TMEM202: variants seen among roughly 807,000 people sequenced by gnomAD.
TMEM202 encodes the protein transmembrane protein 202.
In TMEM202, 25 loss-of-function variants were observed where a neutral mutation model predicts 26.1. The ratio of observed to expected loss-of-function variants is 0.96; its 90% confidence interval spans 0.70 to 1.34. The LOEUF is 1.34. TMEM202 is among the 40% of genes most tolerant of loss of function. TMEM202 has a pLI of 0.00. For missense variants in TMEM202, 301 were observed against 327.7 expected, an observed-to-expected ratio of 0.92 and a Z score of 0.63; for synonymous variants, 122 against 119.0, an observed-to-expected ratio of 1.02 and a Z score of -0.16.
intron 2 of TMEM202, 62 bp from the exon 3 acceptor site, chr15:72,406,540 C>T: frequency 6.9e-7 from 1 of 1,448,404 alleles, no homozygotes; most frequent in Non-Finnish European, 9.5e-7. Context: ...TCTATCTGGC[C>T]TTTTTAAGGG....
At position 72,398,371 on chromosome 15, in the gene TMEM202, G is replaced by A. The variant is rs1386743983; in HGVS notation, c.45G>A (p.Glu15=). Residue 15 remains glutamate, a synonymous_variant, in exon 1 of 5, where the codon GAG becomes GAA. Coordinates refer to ENST00000341689, the MANE Select transcript of TMEM202 (RefSeq NM_001080462.3). The part of the protein sequence containing the change: ...EHLTLTFHSP[E]VPKIKGNRKY... ...TAACCTTGACTTTCCACAGTCCTGA[G>A]GTTCCCAAAATAAAGGGGAACCGGA... 1 of 1,613,310 alleles carries A rather than the reference G, an allele frequency of 6.2e-7. No homozygotes were observed. Among genetic ancestry groups the A allele is most frequent in the Non-Finnish European group, 8.5e-7 (1 of 1,179,804 alleles).
At position 72,407,166 on chromosome 15, in the gene TMEM202, C is replaced by A. The variant is rs754187366; in HGVS notation, c.568C>A (p.Leu190Ile). ...TAGGGATGCCATGGAGTCAGATCTC[C>A]TATGGACCTATTATCTTAACTGGTG... is the stretch of plus-strand genomic sequence containing the variant. ...HTRDAMESDL[L>I]WTYYLNWCSD... is the part of the protein sequence containing the mutation. Residue 190 changes from leucine to isoleucine, a missense_variant, in exon 4 of 5, where the codon CTA becomes ATA. Physicochemically the swap from Leu to Ile is conservative, Grantham distance 5. Transcript: ENST00000341689. 9.3e-6 allele frequency: 15 copies of A among 1,613,516 alleles called. No homozygotes were observed. Among genetic ancestry groups the A allele is most frequent in the Non-Finnish European group, 1.1e-5 (13 of 1,179,816 alleles).
At chr15:72,405,569 A>G (rs980878237) in intron 2 of TMEM202, among the ~76,000 whole-genome samples, 9 of 152,350 alleles carry the variant, frequency 5.9e-5, no homozygotes, top group Admixed American at 3.9e-4. Context: ...GATAAGAGCA[A>G]CTTGAACAAA....
chr15:72,404,376 C>T (rs1182054151), intron 2 of TMEM202, among the ~76,000 whole-genome samples: 1 of 152,034 alleles, frequency 6.6e-6, no homozygotes, highest in Admixed American at 6.6e-5. Flanking sequence ...GATCATGCTA[C>T]TGCACTCCAG....
In TMEM202 at chr15:72,399,025, T is replaced by G. The variant is rs2063535614; in HGVS notation, c.337+117T>G. The G allele has an allele frequency of 3.3e-6, 4 of 1,225,678 alleles. No homozygotes were observed. The Admixed American group carries it at 6.6e-5, about 20-fold the overall frequency. The allele number at this position is 1,225,678 out of a possible 1,614,324, so 75.9% of individuals were successfully genotyped here. On this transcript the variant is annotated intron_variant, in intron 2 of 4. Coordinates refer to ENST00000341689, the MANE Select transcript of TMEM202 (RefSeq NM_001080462.3). ...ATCTTTTGGCCTTCACCTCTCCAAG[T>G]GCAGGATGGATCTTTCTTTGGTATC... is the stretch of plus-strand genomic sequence containing the variant.
chr15:72,406,051 A>G (rs1299902825), intron 2 of TMEM202, among the ~76,000 whole-genome samples: 1 of 152,232 alleles, frequency 6.6e-6, no homozygotes, highest in East Asian at 1.9e-4. Context: ...TAAGTCATTA[A>G]GCAAAGTATA....
Position 72,406,754 on chromosome 15 carries a change from A to G in TMEM202, c.487+3A>G. The G allele has an allele frequency of 6.2e-7, 1 of 1,613,024 alleles. No homozygotes were observed. Among genetic ancestry groups the G allele is most frequent in the Non-Finnish European group, 8.5e-7 (1 of 1,179,712 alleles). On this transcript the variant is annotated splice_donor_region_variant and intron_variant, in intron 3 of 4. Transcript: ENST00000341689. ...ATCCATGCTCAGCTTCATCTCAGGT[A>G]CAGACCTAGACTGGCAGGGTATTTT...
chr15:72,398,394 G>A lies in TMEM202; in HGVS notation c.68G>A (p.Arg23Gln), dbSNP rs142744410. ...GAGGTTCCCAAAATAAAGGGGAACCGGAAATACCAAAGGGTGAGGAGGTAT... is the reference window on the plus strand; with the variant it reads ...GAGGTTCCCAAAATAAAGGGGAACCAGAAATACCAAAGGGTGAGGAGGTAT... ...SPEVPKIKGN[R>Q]KYQRPTVPAK... The change falls in exon 1 of 5, where the codon CGG becomes CAG. Residue 23 changes from arginine (R) to glutamine (Q), a missense_variant. Coordinates refer to ENST00000341689, the MANE Select transcript of TMEM202 (RefSeq NM_001080462.3). The A allele has an allele frequency of 3.5e-4, 572 of 1,611,348 alleles. 1 individual carries two copies. The African/African-American group carries it at 5.9e-3, about 17-fold the overall frequency.
rs1055694535 is a variant in TMEM202 at position 72,407,099 on chromosome 15, C to T, written c.501C>T (p.Leu167=). Residue 167 remains leucine, a synonymous_variant, in exon 4 of 5, where the codon CTC becomes CTT. Transcript: ENST00000341689. ...TTCTGGTCCTAGCTACCTGCTTGCT[C>T]CTCTGCCTCAACCTGTTTGTGGCAC... ...MLSFISATCL[L]LCLNLFVAQV... is the part of the protein sequence containing the mutation. 5 of 1,612,318 alleles carry T rather than the reference C, an allele frequency of 3.1e-6. No homozygotes were observed. In the African/African-American group the frequency reaches 4.0e-5, roughly 13 times the overall value.
At chr15:72,400,885 A>G (rs375675997) in intron 2 of TMEM202, among the ~76,000 whole-genome samples, 1 of 152,236 alleles carries the variant, frequency 6.6e-6, no homozygotes. Flanking sequence ...AATTATATTC[A>G]TAAGTTTTTG....
chr15:72,406,536 TG>T, intron 2 of TMEM202, 65 bp from the exon 3 acceptor site: 1 of 1,345,466 alleles, frequency 7.4e-7, no homozygotes, highest in Non-Finnish European at 1.0e-6. Context: ...AGACTCTATC[TG>T]GCCTTTTTAA....
chr15:72,406,657 T>C lies in TMEM202; in HGVS notation c.393T>C (p.Thr131=), dbSNP rs770213701. Residue 131 remains threonine (T), a synonymous_variant, in exon 3 of 5, where the codon ACT becomes ACC. Coordinates refer to ENST00000341689, the MANE Select transcript of TMEM202 (RefSeq NM_001080462.3). The part of the protein sequence containing the change: ...FFLISVFTIL[T]GLGWLFSSWI... ...TCATCTCTGTCTTTACCATACTTACTGGCCTTGGCTGGCTCTTCAGCTCTT... is the reference window on the plus strand; with the variant it reads ...TCATCTCTGTCTTTACCATACTTACCGGCCTTGGCTGGCTCTTCAGCTCTT... The C allele has an allele frequency of 1.4e-5, 23 of 1,613,846 alleles. No individual in the cohort carries two copies. The highest frequency in any genetic ancestry group is 1.9e-5 in the Non-Finnish European group (22 of 1,179,832).
At chr15:72,406,135 A>G (rs1345910699) in intron 2 of TMEM202, among the ~76,000 whole-genome samples, 1 of 152,118 alleles carries the variant, frequency 6.6e-6, no homozygotes, top group Non-Finnish European at 1.5e-5. Flanking sequence ...CACATCATAT[A>G]TTCTTAAGAA....
At chr15:72,398,486 G>T in intron 1 of TMEM202, 79 bp downstream of exon 1, 1 of 1,426,012 alleles carries the variant, frequency 7.0e-7, no homozygotes, top group African/African-American at 1.4e-5. Context: ...GCATCCTAAA[G>T]ACAGAAAAGA....
intron 2 of TMEM202, among the ~76,000 whole-genome samples, chr15:72,403,341 C>T (rs2063557301): frequency 6.6e-6 from 1 of 152,160 alleles, no homozygotes; most frequent in African/African-American, 2.4e-5. Context: ...ATGATTTGTA[C>T]TTCCTCCTCA....
rs1158983738 is a variant in TMEM202 at position 72,408,287 on chromosome 15, A to G, written c.*394A>G. Among the ~76,000 whole-genome samples, 1 of 152,084 alleles carries G rather than the reference A, an allele frequency of 6.6e-6. No individual in the cohort carries two copies. The highest frequency in any genetic ancestry group is 1.5e-5 in the Non-Finnish European group (1 of 68,020). On this transcript the variant is annotated 3_prime_UTR_variant, in exon 5 of 5. Transcript: ENST00000341689. ...TGGCTTTGGGTATACTCAGGATGGAAAGCACTTGGACAAATACTGTTGAAT... is the reference window on the plus strand; with the variant it reads ...TGGCTTTGGGTATACTCAGGATGGAGAGCACTTGGACAAATACTGTTGAAT...
chr15:72,404,674 ATCT>A (rs937605326), intron 2 of TMEM202, among the ~76,000 whole-genome samples: 67 of 152,188 alleles, frequency 4.4e-4, no homozygotes, highest in African/African-American at 1.5e-3. Context: ...CAAACTTTAC[ATCT>A]TCTCAGTTCA....
chr15:72,402,892 C>T (rs986951299), intron 2 of TMEM202, among the ~76,000 whole-genome samples: 12 of 152,106 alleles, frequency 7.9e-5, no homozygotes, highest in Non-Finnish European at 7.3e-5. Flanking sequence ...AGTCTCCACC[C>T]AGGATCATTT....
intron 2 of TMEM202, among the ~76,000 whole-genome samples, chr15:72,401,371 C>T (rs922547660): frequency 6.6e-6 from 1 of 152,056 alleles, no homozygotes; most frequent in African/African-American, 2.4e-5. Context: ...AGGTAAAACC[C>T]TGTCTCTACA....
Sources: allele counts gnomAD v4.1 joint callset (sites outside exome capture counted in the v4.1 genomes callset), GRCh38; gene constraint gnomAD v4.1.1; transcripts MANE v1.5; gene names NCBI Gene and HGNC (gene_info 2026-07-23, HGNC 2026-07-21).